The following SGCE variants were observed in gnomAD, a reference collection of about 807,000 sequenced individuals.
SGCE encodes the protein sarcoglycan epsilon, also known as epsilon-sarcoglycan.
In SGCE, 26 loss-of-function variants were observed where a neutral mutation model predicts 57.8. The observed-to-expected ratio is 0.45, with a 90% CI of 0.33 to 0.62. The LOEUF (loss-of-function observed/expected upper bound fraction) is 0.62, where lower values mean the gene tolerates loss of function less well. SGCE is among the 20% of genes least tolerant of loss of function. The probability of loss-of-function intolerance (pLI) is 0.02; values close to 1 mark genes in which losing one functional copy is unlikely to be tolerated. For missense variants in SGCE, 468 were observed against 548.6 expected (o/e 0.85, Z 1.47); for synonymous variants, 183 against 189.5 (o/e 0.97, Z 0.28).
rs116324366 is a variant in SGCE, at chr7:94,639,400, T to C, written c.110-9559A>G. On this transcript the variant is annotated intron_variant, in intron 1 of 10. Transcript: ENST00000648936. Reference sequence around the variant, plus strand: ...AATAAAATTGTTGGCCTGTCTGGTCTTCCAGTTAACTGTTCCATTTATGCC... The same window carrying C: ...AATAAAATTGTTGGCCTGTCTGGTCCTCCAGTTAACTGTTCCATTTATGCC... 24 of 1,535,720 alleles carry C rather than the reference T, an allele frequency of 1.6e-5. No individual in the cohort carries two copies. In the African/African-American group the frequency reaches 2.6e-4, roughly 17 times the overall value.
chr7:94,655,576 T>C (rs1353487780), intron 1 of SGCE, among the ~76,000 whole-genome samples: 1 of 152,146 alleles, frequency 6.6e-6, no homozygotes, highest in East Asian at 1.9e-4. Flanking sequence ...CCATTTCCTT[T>C]GGCTCGCATC....
At chr7:94,619,704 A>T (rs1802482321) in intron 4 of SGCE, 1 of 152,216 alleles carries the variant, frequency 6.6e-6, no homozygotes, top group African/African-American at 2.4e-5. Flanking sequence ...AAATGTATGT[A>T]CTGTGAGGCA....
intron 1 of SGCE, among the ~76,000 whole-genome samples, chr7:94,636,304 G>A (rs921796357): frequency 6.6e-6 from 1 of 151,948 alleles, no homozygotes; most frequent in African/African-American, 2.4e-5. Flanking sequence ...ATCCTGTCTG[G>A]GCATGCCAAA....
chr7:94,626,029 T>A (rs934957782), intron 3 of SGCE: 3 of 152,136 alleles, frequency 2.0e-5, no homozygotes, highest in Non-Finnish European at 2.9e-5. Flanking sequence ...ATTTTACTGA[T>A]GGCAAAATTT....
chr7:94,627,667 A>G (rs1226574859), intron 3 of SGCE: 3 of 152,906 alleles, frequency 2.0e-5, no homozygotes, highest in Non-Finnish European at 2.9e-5. Flanking sequence ...ACAACTCTGC[A>G]TCAAACAGCA....
intron 1 of SGCE, among the ~76,000 whole-genome samples, chr7:94,634,430 A>G (rs1370371490): frequency 6.6e-6 from 1 of 152,122 alleles, no homozygotes; most frequent in African/African-American, 2.4e-5. Context: ...CCAGTCTGCT[A>G]ATGCTTTTTA....
At chr7:94,650,287 G>C (rs757004802) in intron 1 of SGCE, among the ~76,000 whole-genome samples, 4 of 152,198 alleles carry the variant, frequency 2.6e-5, no homozygotes, top group Non-Finnish European at 5.9e-5. Context: ...CTCTGGAGAA[G>C]AGGCAGCTGA....
At chr7:94,624,568 C>T (rs1803393039) in intron 3 of SGCE, 1 of 218,474 alleles carries the variant, frequency 4.6e-6, no homozygotes, top group Admixed American at 5.7e-5. Flanking sequence ...ATTAATTTCA[C>T]ACCGGACATT....
intron 5 of SGCE, among the ~76,000 whole-genome samples, chr7:94,616,422 C>A (rs1160706755): frequency 6.6e-6 from 1 of 152,168 alleles, no homozygotes; most frequent in Non-Finnish European, 1.5e-5. Flanking sequence ...CTAGTTAATA[C>A]TTCTGAAGTG....
chr7:94,648,132 G>A (rs2117083925), intron 1 of SGCE, among the ~76,000 whole-genome samples: 1 of 152,076 alleles, frequency 6.6e-6, no homozygotes, highest in East Asian at 1.9e-4. Flanking sequence ...CAACACTCTG[G>A]GAGGCTGAGG....
chr7:94,603,797 C>T (rs1356760116), intron 5 of SGCE, among the ~76,000 whole-genome samples: 1 of 151,526 alleles, frequency 6.6e-6, no homozygotes, highest in Non-Finnish European at 1.5e-5. Flanking sequence ...TAGATATTTA[C>T]ATTAAAACAT....
chr7:94,628,592 A>C, intron 2 of SGCE: 1 of 502,766 alleles, frequency 2.0e-6, no homozygotes, highest in Non-Finnish European at 3.6e-6. Context: ...AGATTCATAC[A>C]ATTTTCTTGG....
intron 7 of SGCE, 34 bp downstream of exon 7, chr7:94,600,612 T>A: frequency 6.9e-7 from 1 of 1,445,630 alleles, no homozygotes; most frequent in East Asian, 2.3e-5. Flanking sequence ...CTTAGCAGGA[T>A]CTCTAATTAT....
chr7:94,588,321 T>C lies in SGCE; in HGVS notation c.1297+368A>G, dbSNP rs1405835321. On this transcript the variant is annotated intron_variant, in intron 10 of 10. Coordinates refer to ENST00000648936, the MANE Select transcript of SGCE (RefSeq NM_003919.3). ...CAATGGTTTCCTTTTGTAAGAGAGC[T>C]TGAAACTTCAAGCTGCTCACTTACT... is the stretch of plus-strand genomic sequence containing the variant. The C allele has an allele frequency of 6.5e-6, 7 of 1,076,454 alleles. No homozygotes were observed. In the African/African-American group the frequency reaches 6.7e-5, roughly 10 times the overall value. The allele number at this position is 1,076,454 out of a possible 1,614,324, so 66.7% of individuals were successfully genotyped here.
intron 1 of SGCE, among the ~76,000 whole-genome samples, chr7:94,634,680 C>T (rs1805312940): frequency 6.6e-6 from 1 of 152,166 alleles, no homozygotes; most frequent in Non-Finnish European, 1.5e-5. Context: ...AGACAGGAGC[C>T]TGCATTCGCA....
intron 1 of SGCE, among the ~76,000 whole-genome samples, chr7:94,648,195 A>C (rs1327434894): frequency 6.6e-6 from 1 of 152,004 alleles, no homozygotes; most frequent in Non-Finnish European, 1.5e-5. Context: ...CAACGTGGTG[A>C]AACTCCGTCT....
chr7:94,585,861 G>A (rs1796819300), intron 10 of SGCE, among the ~76,000 whole-genome samples: 1 of 151,578 alleles, frequency 6.6e-6, no homozygotes, highest in Non-Finnish European at 1.5e-5. Context: ...TATCATGTGG[G>A]CTGGTAGGGC....
At chr7:94,615,003 A>T (rs926234389) in intron 5 of SGCE, among the ~76,000 whole-genome samples, 15 of 152,202 alleles carry the variant, frequency 9.9e-5, no homozygotes, top group African/African-American at 3.4e-4. Flanking sequence ...TTTCTATATC[A>T]CCACTATTCC....
Position 94,628,266 on chromosome 7 carries a change from T to C in SGCE, c.326A>G (p.Tyr109Cys), listed in dbSNP as rs1804069410. The part of the protein sequence containing the change: ...GWLRYIQRTP[Y>C]SDGVLYGSPT... ...GGACCCATATAGGACTCCATCACTA[T>C]ATGGTGTCCTTTGGATATATCGAAG... The change falls in exon 3 of 11, where the codon TAT becomes TGT. Residue 109 changes from tyrosine (Y) to cysteine (C), a missense_variant. By Grantham distance (194) the Tyr-to-Cys change is radical. Transcript: ENST00000648936. 6.2e-7 allele frequency: 1 copy of C among 1,610,300 alleles called. No homozygotes were observed. Among genetic ancestry groups the C allele is most frequent in the East Asian group, 2.2e-5 (1 of 44,814 alleles).
Sources: allele counts gnomAD v4.1 joint callset (sites outside exome capture counted in the v4.1 genomes callset), GRCh38; gene constraint gnomAD v4.1.1; transcripts MANE v1.5; gene names NCBI Gene and HGNC (gene_info 2026-07-23, HGNC 2026-07-21).